ZNF133: variants seen among roughly 807,000 people sequenced by gnomAD.
The protein encoded by ZNF133 is zinc finger protein 133, also known as zinc finger protein 133 (clone pHZ-13).
ZNF133 carries 26 observed loss-of-function variants against 54.9 expected under a neutral mutation model. The observed-to-expected ratio is 0.47, with a 90% confidence interval of 0.35 to 0.66. The LOEUF (loss-of-function observed/expected upper bound fraction) is 0.66, where lower values mean the gene tolerates loss of function less well. Among genes scored for constraint, ZNF133 ranks in the 30% least tolerant of loss-of-function variants. ZNF133 has a pLI of 0.01. For synonymous variants in ZNF133, 298 were observed against 320.3 expected (o/e 0.93, Z 0.74); for missense variants, 653 against 820.8 (o/e 0.80, Z 2.50).
intron 1 of ZNF133, among the ~76,000 whole-genome samples, chr20:18,294,080 A>G (rs1273178055): frequency 6.6e-6 from 1 of 152,204 alleles, no homozygotes; most frequent in Non-Finnish European, 1.5e-5. Flanking sequence ...TATTAATTAT[A>G]AAGGGAAATG....
chr20:18,310,179 G>A, intron 6 of ZNF133: 1 of 1,359,486 alleles, frequency 7.4e-7, no homozygotes, highest in Non-Finnish European at 9.4e-7. Flanking sequence ...AAAAACAGCA[G>A]CTCTTACAAT....
chr20:18,304,065 GA>G (rs1172589613), intron 3 of ZNF133, among the ~76,000 whole-genome samples: 2 of 152,148 alleles, frequency 1.3e-5, no homozygotes, highest in Non-Finnish European at 2.9e-5. Context: ...AACAACAATA[GA>G]AGAACGCCCC....
intron 6 of ZNF133, among the ~76,000 whole-genome samples, chr20:18,309,490 G>A (rs769705946): frequency 1.1e-4 from 16 of 152,208 alleles, no homozygotes; most frequent in Non-Finnish European, 1.5e-4. Flanking sequence ...TGAGTCAGAA[G>A]GTAGAAGAAA....
At position 18,315,541 on chromosome 20, in the gene ZNF133, C is replaced by G. The variant is rs1267815044; in HGVS notation, c.690C>G (p.Leu230=). The change falls in exon 7 of 7, where the codon CTC becomes CTG. Residue 230 remains leucine, a synonymous_variant. Coordinates refer to ENST00000425686, the MANE Select transcript of ZNF133 (RefSeq NM_001352452.2). ...GCTTCAGCAAGATGACAAACCTGCT[C>G]AGTCACCAGCGGATACACTCAGGGG... The part of the protein sequence containing the change: ...GLSFSKMTNL[L]SHQRIHSGEK... 1.2e-6 allele frequency: 2 copies of G among 1,614,156 alleles called. No homozygotes were observed. The highest frequency in any genetic ancestry group is 3.3e-5 in the Admixed American group (2 of 60,022).
chr20:18,300,278 A>G (rs1368186798), intron 3 of ZNF133, among the ~76,000 whole-genome samples: 1 of 152,206 alleles, frequency 6.6e-6, no homozygotes, highest in Non-Finnish European at 1.5e-5. Flanking sequence ...TTTAAAGTTT[A>G]GGACATTAAG....
intron 3 of ZNF133, among the ~76,000 whole-genome samples, chr20:18,303,109 T>C (rs968589782): frequency 3.3e-5 from 5 of 151,834 alleles, no homozygotes; most frequent in African/African-American, 1.2e-4. Context: ...TGCAGTGGCA[T>C]GATCTTGGCT....
chr20:18,306,928 GA>G, intron 6 of ZNF133: 1 of 322,528 alleles, frequency 3.1e-6, no homozygotes, highest in Non-Finnish European at 4.5e-6. Context: ...CTATCTTTAA[GA>G]AAAAGTTTGC....
chr20:18,299,350 C>T (rs1162862439), intron 3 of ZNF133, among the ~76,000 whole-genome samples: 10 of 152,010 alleles, frequency 6.6e-5, no homozygotes, highest in Non-Finnish European at 8.8e-5. Flanking sequence ...TTTGAGCAGA[C>T]GGAAGAATCA....
chr20:18,315,346 G>A lies in ZNF133; in HGVS notation c.495G>A (p.Ala165=), dbSNP rs34846862. The change falls in exon 7 of 7, where the codon GCG becomes GCA. Residue 165 remains alanine, a synonymous_variant. Coordinates refer to ENST00000425686, the MANE Select transcript of ZNF133 (RefSeq NM_001352452.2). ...GAACCAAGAAAAGGACTCTGGGAGC[G>A]TTCTCCAGGCCACCCCAGAGGCAGC... ...FGRTKKRTLG[A]FSRPPQRQPV... 463 of 1,613,990 alleles carry A rather than the reference G, an allele frequency of 2.9e-4. 1 individual carries two copies. The highest frequency in any genetic ancestry group is 6.2e-4 in the Admixed American group (37 of 60,000).
At chr20:18,311,889 G>A (rs2046091073) in intron 6 of ZNF133, among the ~76,000 whole-genome samples, 1 of 152,144 alleles carries the variant, frequency 6.6e-6, no homozygotes, top group Non-Finnish European at 1.5e-5. Flanking sequence ...ATCTACATGT[G>A]CCTAATCTTA....
chr20:18,316,636 A>T lies in ZNF133; in HGVS notation c.1785A>T (p.Leu595Phe). ...TTCTCCAAAAGTCACACCTCACCTT[A>T]CATCAAATGACACATACGGGGGAGA... ...QGFLQKSHLT[L>F]HQMTHTGEKP... Residue 595 changes from leucine (L) to phenylalanine (F), a missense_variant, in exon 7 of 7, where the codon TTA becomes TTT. Around this residue, in one of 4 missense-constraint regions of ZNF133, gnomAD observed 129 missense variants for 138.5 expected, o/e 0.93. Transcript: ENST00000425686. The T allele has an allele frequency of 1.2e-6, 2 of 1,613,908 alleles. No individual in the cohort carries two copies. Among genetic ancestry groups the T allele is most frequent in the Non-Finnish European group, 1.7e-6 (2 of 1,179,964 alleles).
chr20:18,290,248 A>G (rs899920952), intron 1 of ZNF133, among the ~76,000 whole-genome samples: 1 of 152,204 alleles, frequency 6.6e-6, no homozygotes, highest in African/African-American at 2.4e-5. Context: ...TTCAGAGCTG[A>G]TGCTCTCATT....
At position 18,315,148 on chromosome 20, in the gene ZNF133, G is replaced by A. The variant is rs1410227466; in HGVS notation, c.297G>A (p.Val99=). 1.9e-6 allele frequency: 3 copies of A among 1,607,882 alleles called. No homozygotes were observed. The highest frequency in any genetic ancestry group is 1.7e-5 in the Admixed American group (1 of 59,488). The change falls in exon 7 of 7, where the codon GTG becomes GTA. Residue 99 remains valine, a synonymous_variant. Transcript: ENST00000425686. Reference sequence around the variant, plus strand: ...GTCAGAAATTCCCCATGCAGCATGTGCTGTGTAATCATCCCCCCTGGATCT... The same window carrying A: ...GTCAGAAATTCCCCATGCAGCATGTACTGTGTAATCATCCCCCCTGGATCT... ...FSSQKFPMQH[V]LCNHPPWIFT...
chr20:18,316,980 T>A lies in ZNF133; in HGVS notation c.*164T>A, dbSNP rs921889666. The stretch of plus-strand genomic sequence containing the variant: ...GCCTTCGGTTGTAATAAACTTGGCT[T>A]CTTTATACATCTGTAACTGTGCCTG... On this transcript the variant is annotated 3_prime_UTR_variant, in exon 7 of 7. Transcript: ENST00000425686. 4 of 778,016 alleles carry A rather than the reference T, an allele frequency of 5.1e-6. No individual in the cohort carries two copies. In the African/African-American group the frequency reaches 7.0e-5, roughly 14 times the overall value. The allele number at this position is 778,016 out of a possible 1,614,324, so 48.2% of individuals were successfully genotyped here.
rs1342112510 is a variant in ZNF133 at position 18,298,488 on chromosome 20, C to G, written c.-178+24C>G. 2.8e-5 allele frequency: 7 copies of G among 252,454 alleles called. No homozygotes were observed. In the East Asian group the frequency reaches 9.3e-4, roughly 34 times the overall value. The allele number at this position is 252,454 out of a possible 1,614,324, so 15.6% of individuals were successfully genotyped here. A position where few individuals can be genotyped will look rare whatever the true frequency, so the allele number is the denominator to read the frequency against. ...GGGTAAGTCACAGCTAATTTTAGCT[C>G]TTAGTATAGTAGCAGCTACCTGTCA... On this transcript the variant is annotated intron_variant, in intron 3 of 6. Transcript: ENST00000425686.
chr20:18,313,931 C>T (rs1176720566), intron 6 of ZNF133: 1 of 152,200 alleles, frequency 6.6e-6, no homozygotes, highest in African/African-American at 2.4e-5. Context: ...CTCTGTCTGT[C>T]ATCAAAGCCT....
Position 18,316,402 on chromosome 20 carries a change from A to G in ZNF133, c.1551A>G (p.Ser517=), listed in dbSNP as rs1319343949. ...SNLVAHQRTH[S]GERPYVCREC... is the part of the protein sequence containing the mutation. ...TTGTTGCACACCAGAGGACGCACTC[A>G]GGGGAGAGGCCGTATGTGTGCCGAG... Residue 517 remains serine, a synonymous_variant, in exon 7 of 7, where the codon TCA becomes TCG. Coordinates refer to ENST00000425686, the MANE Select transcript of ZNF133 (RefSeq NM_001352452.2). 6.2e-7 allele frequency: 1 copy of G among 1,613,368 alleles called. No homozygotes were observed. The highest frequency in any genetic ancestry group is 8.5e-7 in the Non-Finnish European group (1 of 1,179,764).
chr20:18,314,133 T>C (rs1360884887), intron 6 of ZNF133: 1 of 152,214 alleles, frequency 6.6e-6, no homozygotes, highest in Non-Finnish European at 1.5e-5. Context: ...TCGCGTAGCA[T>C]GGAATAATTC....
At chr20:18,312,019 G>T (rs568360378) in intron 6 of ZNF133, among the ~76,000 whole-genome samples, 1 of 152,156 alleles carries the variant, frequency 6.6e-6, no homozygotes, top group South Asian at 2.1e-4. Context: ...TTGGTTGGTT[G>T]GTTGGTTGGT....
Sources: allele counts gnomAD v4.1 joint callset (sites outside exome capture counted in the v4.1 genomes callset), GRCh38; gene constraint gnomAD v4.1.1; regional missense constraint gnomAD v4.1.1; transcripts MANE v1.5; gene names NCBI Gene and HGNC (gene_info 2026-07-23, HGNC 2026-07-21).